RPE: variants seen among roughly 807,000 people sequenced by gnomAD.
RPE encodes the protein ribulose-5-phosphate-3-epimerase, also known as ribulose-phosphate 3-epimerase.
In RPE, 16 loss-of-function variants were observed where a neutral mutation model predicts 24.6. The ratio of observed to expected loss-of-function variants is 0.65; its 90% confidence interval spans 0.44 to 0.99. The LOEUF (loss-of-function observed/expected upper bound fraction) is 0.99. Among genes scored for constraint, RPE ranks in the 50% least tolerant of loss-of-function variants. The probability of loss-of-function intolerance (pLI) is 0.00; values close to 1 mark genes in which losing one functional copy is unlikely to be tolerated. For missense variants in RPE, 240 were observed against 294.5 expected, an observed-to-expected ratio of 0.81 and a Z score of 1.35; for synonymous variants, 93 against 98.4, an observed-to-expected ratio of 0.94 and a Z score of 0.33.
chr2:210,016,525 C>G lies in RPE; in HGVS notation c.361C>G (p.Pro121Ala), dbSNP rs1314601407. The change falls in exon 4 of 6, where the codon CCA (proline) becomes GCA (alanine). Residue 121 changes from proline to alanine, a missense_variant. Physicochemically the swap from Pro to Ala is conservative, Grantham distance 27 (BLOSUM62 -1). Coordinates refer to ENST00000359429, the MANE Select transcript of RPE (RefSeq NM_199229.3). ...NGMKVGLAIKPGTSVEYLAPW... is the reference protein window; with the variant it reads ...NGMKVGLAIKAGTSVEYLAPW... Reference sequence around the variant, plus strand: ...GTTACAGGTTGGCCTTGCCATCAAACCAGGAACCTCAGTTGAGTATTTGGC... The same window carrying G: ...GTTACAGGTTGGCCTTGCCATCAAAGCAGGAACCTCAGTTGAGTATTTGGC... 3 of 1,614,042 alleles carry G rather than the reference C, an allele frequency of 1.9e-6. No homozygotes were observed. The highest frequency in any genetic ancestry group is 3.3e-5 in the Admixed American group (2 of 59,998).
At chr2:210,003,842 T>G (rs1243305969) in intron 1 of RPE, among the ~76,000 whole-genome samples, 2 of 152,222 alleles carry the variant, frequency 1.3e-5, no homozygotes, top group Non-Finnish European at 2.9e-5. Context: ...GAGTTTTATC[T>G]TCCATTGCTC....
chr2:210,014,727 C>CT (rs78186233), intron 2 of RPE, among the ~76,000 whole-genome samples: 56,667 of 147,516 alleles, frequency 0.38, 12,455 homozygotes, highest in Middle Eastern at 0.57. Context: ...CTTTTTCTGA[C>CT]TTTTTTTTTT....
chr2:210,004,366 A>G (rs1419819604), intron 1 of RPE, among the ~76,000 whole-genome samples: 2 of 152,216 alleles, frequency 1.3e-5, no homozygotes, highest in African/African-American at 4.8e-5. Context: ...AACTCAAACA[A>G]CCGTTTGAAA....
intron 2 of RPE, among the ~76,000 whole-genome samples, chr2:210,014,727 C>T (rs569636614): frequency 1.8e-3 from 265 of 147,652 alleles, no homozygotes; most frequent in African/African-American, 6.1e-3. Context: ...CTTTTTCTGA[C>T]TTTTTTTTTT....
intron 2 of RPE, among the ~76,000 whole-genome samples, chr2:210,010,840 C>T (rs936493941): frequency 6.6e-6 from 1 of 152,052 alleles, no homozygotes; most frequent in Non-Finnish European, 1.5e-5. Flanking sequence ...ATCACTTGAA[C>T]CTGGGAGGTG....
intron 2 of RPE, 124 bp from the exon 3 acceptor site, chr2:210,015,849 A>T (rs992811428): frequency 2.2e-6 from 2 of 894,650 alleles, no homozygotes; most frequent in South Asian, 3.5e-5. Flanking sequence ...AACTATTTAA[A>T]TAATGATTTG....
Position 210,020,911 on chromosome 2 carries a change from C to T in RPE, c.*1120C>T, listed in dbSNP as rs1336247309. 1 of 152,458 alleles carries T rather than the reference C, an allele frequency of 6.6e-6. No homozygotes were observed. Among genetic ancestry groups the T allele is most frequent in the East Asian group, 1.9e-4 (1 of 5,202 alleles). The allele number at this position is 152,458 out of a possible 1,614,324, so 9.4% of individuals were successfully genotyped here. The stretch of plus-strand genomic sequence containing the variant: ...GGTCTGTACTTTTACAAATGGAGCC[C>T]TTGGGAGGTGGGTTAGGTAAAAGAA... On this transcript the variant is annotated 3_prime_UTR_variant, in exon 6 of 6. Transcript: ENST00000359429.
At chr2:210,017,736 T>TC in intron 5 of RPE, 177 bp downstream of exon 5, 1 of 555,070 alleles carries the variant, frequency 1.8e-6, no homozygotes, top group Non-Finnish European at 3.1e-6. Context: ...GGATATGCTT[T>TC]TTTTTTTTTT....
At chr2:210,017,422 C>CCCCCACAAA in intron 4 of RPE, 51 bp from the exon 5 acceptor site, 2 of 1,017,184 alleles carry the variant, frequency 2.0e-6, no homozygotes, top group Non-Finnish European at 2.9e-6. Context: ...CCCCCACCCC[C>CCCCCACAAA]ACCAACATAC....
rs1281161532 is a variant in RPE, at chr2:210,002,703, C to T, written c.42C>T (p.Ser14=). Residue 14 remains serine, a synonymous_variant, in exon 1 of 6, where the codon AGC becomes AGT. Transcript: ENST00000359429. The part of the protein sequence containing the change: ...GCKIGPSILN[S]DLANLGAECL... Reference sequence around the variant, plus strand: ...AGATTGGCCCGTCCATCCTCAACAGCGACCTGGCCAATTTAGGGGCCGAGT... The same window carrying T: ...AGATTGGCCCGTCCATCCTCAACAGTGACCTGGCCAATTTAGGGGCCGAGT... 1 of 1,614,188 alleles carries T rather than the reference C, an allele frequency of 6.2e-7. No homozygotes were observed. Among genetic ancestry groups the T allele is most frequent in the South Asian group, 1.1e-5 (1 of 91,090 alleles).
At chr2:210,016,218 C>A in intron 3 of RPE, 106 bp downstream of exon 3, 1 of 1,613,916 alleles carries the variant, frequency 6.2e-7, no homozygotes, top group Non-Finnish European at 8.5e-7. Context: ...GCTCTGTCAC[C>A]CAGGCTGAAG....
intron 1 of RPE, among the ~76,000 whole-genome samples, chr2:210,005,650 A>G (rs2093621077): frequency 6.6e-6 from 1 of 151,914 alleles, no homozygotes; most frequent in South Asian, 2.1e-4. Context: ...AAAACAGTTC[A>G]AAGACTTGCT....
intron 2 of RPE, 143 bp from the exon 3 acceptor site, chr2:210,015,830 C>T (rs2093763638): frequency 1.6e-5 from 12 of 753,982 alleles, no homozygotes; most frequent in Non-Finnish European, 2.5e-5. Flanking sequence ...ACTACCTATA[C>T]TGAATTAGAA....
chr2:210,003,544 T>A, intron 1 of RPE: 1 of 934,772 alleles, frequency 1.1e-6, no homozygotes, highest in South Asian at 1.4e-5. Context: ...TGAAGTTGGT[T>A]ACAGAATGAG....
rs1277752358 is a variant in RPE at position 210,020,369 on chromosome 2, T to C, written c.*578T>C. ...TTCTAAAATACAAGCATAGATTTTA[T>C]CAGGGTGTTTTGTCAAAGCAGGTTA... On this transcript the variant is annotated 3_prime_UTR_variant, in exon 6 of 6. Coordinates refer to ENST00000359429, the MANE Select transcript of RPE (RefSeq NM_199229.3). 6.0e-6 allele frequency: 1 copy of C among 166,984 alleles called. No homozygotes were observed. The highest frequency in any genetic ancestry group is 1.5e-5 in the Non-Finnish European group (1 of 68,130). The allele number at this position is 166,984 out of a possible 1,614,324, so 10.3% of individuals were successfully genotyped here.
At chr2:210,006,020 C>T (rs950944154) in intron 1 of RPE, among the ~76,000 whole-genome samples, 5 of 152,112 alleles carry the variant, frequency 3.3e-5, no homozygotes, top group Non-Finnish European at 7.4e-5. Context: ...CCTTGTATTA[C>T]AAAAAATTAT....
At chr2:210,017,130 C>G (rs1256865353) in intron 4 of RPE, among the ~76,000 whole-genome samples, 1 of 152,204 alleles carries the variant, frequency 6.6e-6, no homozygotes, top group Non-Finnish European at 1.5e-5. Flanking sequence ...AGGTGGCAGC[C>G]AACCACGCCT....
chr2:210,020,011 A>G lies in RPE; in HGVS notation c.*220A>G, dbSNP rs757592467. 16 of 411,736 alleles carry G rather than the reference A, an allele frequency of 3.9e-5. No individual in the cohort carries two copies. Among genetic ancestry groups the G allele is most frequent in the Non-Finnish European group, 6.0e-5 (14 of 232,898 alleles). The allele number at this position is 411,736 out of a possible 1,614,324, so 25.5% of individuals were successfully genotyped here. On this transcript the variant is annotated 3_prime_UTR_variant, in exon 6 of 6. Coordinates refer to ENST00000359429, the MANE Select transcript of RPE (RefSeq NM_199229.3). ...TGCAATTTATTGATTAGTGAGTAAG[A>G]TACTGTTTTTATTGAGAGATTTGAT...
At chr2:210,003,024 G>A (rs2093583016) in intron 1 of RPE, among the ~76,000 whole-genome samples, 1 of 152,098 alleles carries the variant, frequency 6.6e-6, no homozygotes. Context: ...CGTAACGTGT[G>A]GTCTTCCATC....
Sources: allele counts gnomAD v4.1 joint callset (sites outside exome capture counted in the v4.1 genomes callset), GRCh38; gene constraint gnomAD v4.1.1; transcripts MANE v1.5; gene names NCBI Gene and HGNC (gene_info 2026-07-23, HGNC 2026-07-21).